PDE7B: variants seen among roughly 807,000 people sequenced by gnomAD.
PDE7B encodes the protein 3',5'-cyclic-AMP phosphodiesterase 7B.
A neutral mutation model predicts 56.2 loss-of-function variants in PDE7B; 29 were observed. The observed-to-expected ratio is 0.52, with a 90% CI of 0.38 to 0.70. The LOEUF is 0.70. Ranked by LOEUF, PDE7B falls within the 30% of genes least tolerant of loss-of-function variation. The pLI is 0.00. For missense variants in PDE7B, 490 were observed against 565.0 expected, an observed-to-expected ratio of 0.87 and a Z score of 1.35; for synonymous variants, 197 against 196.9, an observed-to-expected ratio of 1.00 and a Z score of 0.00.
chr6:135,945,712 T>G (rs1373800947), intron 1 of PDE7B, among the ~76,000 whole-genome samples: 1 of 152,096 alleles, frequency 6.6e-6, no homozygotes, highest in African/African-American at 2.4e-5. Context: ...TTGTGAACTG[T>G]AAAAGAAAGA....
intron 2 of PDE7B, among the ~76,000 whole-genome samples, chr6:135,953,783 T>C (rs1173283924): frequency 4.6e-5 from 7 of 152,160 alleles, no homozygotes; most frequent in Admixed American, 3.9e-4. Context: ...AAAGAAATAT[T>C]ATTGTAAAGA....
chr6:136,157,546 C>G (rs1328369164), intron 8 of PDE7B, among the ~76,000 whole-genome samples: 1 of 152,132 alleles, frequency 6.6e-6, no homozygotes, highest in Non-Finnish European at 1.5e-5. Flanking sequence ...CCACTGCACT[C>G]CAGCCTGGGC....
intron 1 of PDE7B, among the ~76,000 whole-genome samples, chr6:135,914,324 C>T: frequency 6.6e-6 from 1 of 151,754 alleles, no homozygotes. Context: ...ATTTCTATCA[C>T]TTTAGAAAGT....
intron 2 of PDE7B, among the ~76,000 whole-genome samples, chr6:135,986,473 A>G (rs1338979542): frequency 1.3e-5 from 2 of 152,250 alleles, no homozygotes; most frequent in East Asian, 3.8e-4. Context: ...TCCAGCTTTA[A>G]GAATCTACAG....
intron 9 of PDE7B, among the ~76,000 whole-genome samples, chr6:136,177,839 C>A (rs1392950441): frequency 6.6e-6 from 1 of 151,948 alleles, no homozygotes; most frequent in Admixed American, 6.6e-5. Flanking sequence ...TGGCTTTTTT[C>A]ATAGTAGCCA....
intron 1 of PDE7B, among the ~76,000 whole-genome samples, chr6:135,878,037 C>T (rs1775533791): frequency 6.6e-6 from 1 of 152,022 alleles, no homozygotes; most frequent in African/African-American, 2.4e-5. Flanking sequence ...GAAAGGAAGC[C>T]CTAATTTATA....
At chr6:136,045,729 G>A (rs543767134) in intron 2 of PDE7B, among the ~76,000 whole-genome samples, 9 of 152,132 alleles carry the variant, frequency 5.9e-5, no homozygotes, top group African/African-American at 1.9e-4. Context: ...AAGAGAGACC[G>A]AGTCGCAGTT....
intron 1 of PDE7B, among the ~76,000 whole-genome samples, chr6:135,924,888 A>G (rs1222938265): frequency 1.3e-5 from 2 of 151,476 alleles, no homozygotes; most frequent in Non-Finnish European, 2.9e-5. Flanking sequence ...TTTTTAAAAT[A>G]CCAACAACAA....
At chr6:135,906,576 A>T (rs1776109093) in intron 1 of PDE7B, among the ~76,000 whole-genome samples, 1 of 152,204 alleles carries the variant, frequency 6.6e-6, no homozygotes, top group African/African-American at 2.4e-5. Context: ...ACCATATAAG[A>T]GGAAGACGCT....
intron 2 of PDE7B, among the ~76,000 whole-genome samples, chr6:136,106,847 G>A (rs1777652757): frequency 6.6e-6 from 1 of 152,096 alleles, no homozygotes; most frequent in South Asian, 2.1e-4. Flanking sequence ...CCATATTAAA[G>A]TACATAAGTA....
intron 2 of PDE7B, among the ~76,000 whole-genome samples, chr6:135,948,890 GATA>G (rs1232380519): frequency 1.6e-5 from 2 of 126,496 alleles, no homozygotes; most frequent in Non-Finnish European, 1.6e-5. Flanking sequence ...TAGATAGATA[GATA>G]GATAGACAGA....
chr6:136,154,794 T>C (rs1778578808), intron 7 of PDE7B, among the ~76,000 whole-genome samples: 2 of 152,234 alleles, frequency 1.3e-5, no homozygotes, highest in African/African-American at 4.8e-5. Flanking sequence ...TGGTACAAGG[T>C]ACAGGATGAG....
intron 2 of PDE7B, among the ~76,000 whole-genome samples, chr6:136,041,162 A>G (rs562778038): frequency 6.6e-6 from 1 of 152,330 alleles, no homozygotes; most frequent in African/African-American, 2.4e-5. Context: ...AGATGGTGTC[A>G]TTGGCTCTTA....
At chr6:135,896,422 C>G (rs1412708151) in intron 1 of PDE7B, among the ~76,000 whole-genome samples, 1 of 152,120 alleles carries the variant, frequency 6.6e-6, no homozygotes, top group Non-Finnish European at 1.5e-5. Flanking sequence ...CTCTGTAACA[C>G]CTCATAACTT....
intron 1 of PDE7B, among the ~76,000 whole-genome samples, chr6:135,921,048 C>T (rs1261337784): frequency 1.3e-5 from 2 of 152,124 alleles, no homozygotes; most frequent in Non-Finnish European, 2.9e-5. Flanking sequence ...ACAGAAAGAG[C>T]TTGGGGGTGG....
intron 1 of PDE7B, among the ~76,000 whole-genome samples, chr6:135,926,750 C>G (rs1774199308): frequency 6.6e-6 from 1 of 152,096 alleles, no homozygotes; most frequent in African/African-American, 2.4e-5. Flanking sequence ...GGTGGCATGT[C>G]CTGAACCCCA....
intron 3 of PDE7B, among the ~76,000 whole-genome samples, chr6:136,115,596 C>A (rs1350993946): frequency 6.6e-6 from 1 of 152,178 alleles, no homozygotes. Context: ...AAAGTGAAAA[C>A]AGCCATTGCC....
At chr6:136,030,144 A>G (rs1005667705) in intron 2 of PDE7B, among the ~76,000 whole-genome samples, 2 of 152,244 alleles carry the variant, frequency 1.3e-5, no homozygotes, top group African/African-American at 4.8e-5. Flanking sequence ...AGCCTTAGAA[A>G]GAATCAGGAA....
intron 2 of PDE7B, among the ~76,000 whole-genome samples, chr6:136,062,023 T>C (rs984849027): frequency 6.6e-6 from 1 of 152,172 alleles, no homozygotes; most frequent in African/African-American, 2.4e-5. Context: ...TAAAATAGCA[T>C]GTGATGCTTA....
Sources: allele counts gnomAD v4.1 joint callset (sites outside exome capture counted in the v4.1 genomes callset), GRCh38; gene constraint gnomAD v4.1.1; transcripts MANE v1.5; gene names NCBI Gene and HGNC (gene_info 2026-07-23, HGNC 2026-07-21).